The following DNMT3A variants were observed in gnomAD, a reference collection of about 807,000 sequenced individuals.
The protein encoded by DNMT3A is DNA (cytosine-5)-methyltransferase 3A.
DNMT3A carries 267 observed loss-of-function variants against 117.6 expected under a neutral mutation model. The ratio of observed to expected loss-of-function variants is 2.27; its 90% CI spans 2.05 to 2.51. The LOEUF (loss-of-function observed/expected upper bound fraction) is 2.51. Among genes scored for constraint, DNMT3A ranks in the 30% most tolerant of loss-of-function variants. The pLI, the probability that DNMT3A is intolerant of heterozygous loss-of-function variation, is 0.00. For missense variants in DNMT3A, 1,029 were observed against 1,260.2 expected (o/e 0.82, Z 2.78); for synonymous variants, 432 against 474.8 (o/e 0.91, Z 1.17).
intron 1 of DNMT3A, among the ~76,000 whole-genome samples, chr2:25,325,602 C>T (rs925208007): frequency 1.3e-4 from 20 of 152,180 alleles, no homozygotes; most frequent in African/African-American, 4.6e-4. Context: ...GGGGAGAGTG[C>T]TCCCACCAGG....
intron 4 of DNMT3A, among the ~76,000 whole-genome samples, chr2:25,276,720 C>G (rs994816410): frequency 6.6e-6 from 1 of 152,254 alleles, no homozygotes; most frequent in Non-Finnish European, 1.5e-5. Context: ...TCCACCTGGG[C>G]CCCTGAGCTT....
intron 3 of DNMT3A, among the ~76,000 whole-genome samples, chr2:25,292,312 T>G (rs2032816615): frequency 6.6e-6 from 1 of 152,034 alleles, no homozygotes. Context: ...ATCGCACCAC[T>G]GCACTCCGGC....
At chr2:25,342,257 C>T (rs1245115350), upstream of DNMT3A, among the ~76,000 whole-genome samples, 4 of 149,030 alleles carry the variant, frequency 2.7e-5, no homozygotes, top group Admixed American at 2.7e-4. This position sits in a 1 kb window ranked among gnomAD's most constrained non-coding sequence, Gnocchi z 5.9. Flanking sequence ...TCTGCGGCCC[C>T]GCCGGGGTCC....
Position 25,237,765 on chromosome 2 carries a change from C to CA in DNMT3A, c.2409-761dup, listed in dbSNP as rs142057723. On this transcript the variant is annotated intron_variant, in intron 20 of 22. Coordinates refer to ENST00000321117, the MANE Select transcript of DNMT3A (RefSeq NM_022552.5). The surrounding 1 kb of genome is among the most constrained non-coding windows in gnomAD (Gnocchi z 5.4). ...GGGCGACAGAGCAAGACTCTGTCTC[C>CA]AAAAAAAAAAAAAACCAGACTTAAA... 0.013 allele frequency among the ~76,000 whole-genome samples: 1,399 copies of CA among 109,808 alleles called. 7 individuals are homozygous for CA. The highest frequency in any genetic ancestry group is 0.027 in the African/African-American group (793 of 29,686). 72.0% of individuals were successfully genotyped at this position (109,808 alleles called of 152,430 possible). A position where few individuals can be genotyped will look rare whatever the true frequency, so the allele number is the denominator to read the frequency against.
chr2:25,247,912 G>GC lies in DNMT3A; in HGVS notation c.855+124dup. 1 of 1,516,334 alleles carries GC rather than the reference G, an allele frequency of 6.6e-7. No homozygotes were observed. Among genetic ancestry groups the GC allele is most frequent in the Non-Finnish European group, 8.9e-7 (1 of 1,125,346 alleles). 93.9% of individuals were successfully genotyped at this position (1,516,334 alleles called of 1,614,324 possible). ...AGAGCAAAATCGGGGAGACGAAGAG[G>GC]CCCGGGGTCAGGTGGAGAGAGCGAG... On this transcript the variant is annotated intron_variant, in intron 7 of 22. Coordinates refer to ENST00000321117, the MANE Select transcript of DNMT3A (RefSeq NM_022552.5). This position sits in a 1 kb window ranked among gnomAD's most constrained non-coding sequence, Gnocchi z 5.6.
Position 25,282,620 on chromosome 2 carries a change from T to C in DNMT3A, c.269A>G (p.Asn90Ser), listed in dbSNP as rs769476651. The C allele has an allele frequency of 2.1e-5, 34 of 1,613,472 alleles. 1 individual carries two copies. The highest frequency in any genetic ancestry group is 1.8e-4 in the Admixed American group (11 of 59,936). ...CTCACTCCGCTTCTCCAAGTCCCCATTGGGTAATAGCTCTGAGGCGCCTGA... is the reference window on the plus strand; with the variant it reads ...CTCACTCCGCTTCTCCAAGTCCCCACTGGGTAATAGCTCTGAGGCGCCTGA... ...QDSGASELLP[N>S]GDLEKRSEPQ... Residue 90 changes from asparagine (N) to serine (S), a missense_variant, in exon 4 of 23, where the codon AAT (asparagine) becomes AGT (serine). Physicochemically the swap from Asn to Ser is conservative, Grantham distance 46 (BLOSUM62 1). Transcript: ENST00000321117. This position sits in a 1 kb window ranked among gnomAD's most constrained non-coding sequence, Gnocchi z 5.2.
At chr2:25,261,925 A>G (rs1314822977) in intron 6 of DNMT3A, among the ~76,000 whole-genome samples, 2 of 151,692 alleles carry the variant, frequency 1.3e-5, no homozygotes, top group Admixed American at 6.6e-5. Context: ...AGTGGCTCAC[A>G]CCTGTAATCC....
chr2:25,334,787 G>C (rs536766764), intron 1 of DNMT3A, among the ~76,000 whole-genome samples: 1 of 152,180 alleles, frequency 6.6e-6, no homozygotes, highest in African/African-American at 2.4e-5. Flanking sequence ...GAAAAGACAC[G>C]TACCTGAGTA....
Position 25,245,257 on chromosome 2 carries a change from C to A in DNMT3A, c.1550G>T (p.Cys517Phe). Reference sequence around the variant, plus strand: ...CCTGGGTGGGTGTGCTCCTACCTTGCAGTTTTGGCACATTCCTCCAACGAA... The same window carrying A: ...CCTGGGTGGGTGTGCTCCTACCTTGAAGTTTTGGCACATTCCTCCAACGAA... ...PLFVGGMCQN[C>F]KNCFLECAYQ... Residue 517 changes from cysteine to phenylalanine, a missense_variant, in exon 13 of 23, where the codon TGC becomes TTC. By Grantham distance (205) the Cys-to-Phe change is radical (BLOSUM62 -2). Coordinates refer to ENST00000321117, the MANE Select transcript of DNMT3A (RefSeq NM_022552.5). 1 of 1,613,838 alleles carries A rather than the reference C, an allele frequency of 6.2e-7. No individual in the cohort carries two copies. Among genetic ancestry groups the A allele is most frequent in the African/African-American group, 1.3e-5 (1 of 75,054 alleles).
chr2:25,280,937 G>C (rs1364501215), intron 4 of DNMT3A, among the ~76,000 whole-genome samples: 1 of 152,116 alleles, frequency 6.6e-6, no homozygotes, highest in Admixed American at 6.5e-5. Flanking sequence ...GTAGCAGCTC[G>C]GCAGGAGTCA....
At position 25,237,493 on chromosome 2, in the gene DNMT3A, C is replaced by T. The variant is rs984925092; in HGVS notation, c.2409-488G>A. ...TTAAAAGACTAAATTCTGGGCCAGG[C>T]GCAGTGGCTCATGCCTGCAATCCCA... On this transcript the variant is annotated intron_variant, in intron 20 of 22. Transcript: ENST00000321117. This position sits in a 1 kb window ranked among gnomAD's most constrained non-coding sequence, Gnocchi z 5.4. 3.9e-5 allele frequency among the ~76,000 whole-genome samples: 6 copies of T among 152,172 alleles called. No individual in the cohort carries two copies. Among genetic ancestry groups the T allele is most frequent in the African/African-American group, 1.2e-4 (5 of 41,448 alleles).
At chr2:25,258,816 C>T (rs1182996089) in intron 6 of DNMT3A, among the ~76,000 whole-genome samples, 1 of 152,168 alleles carries the variant, frequency 6.6e-6, no homozygotes, top group Non-Finnish European at 1.5e-5. Flanking sequence ...GCATGAGCTT[C>T]CTGGCAGATG....
chr2:25,247,864 G>A lies in DNMT3A; in HGVS notation c.856-115C>T. 1 of 1,533,788 alleles carries A rather than the reference G, an allele frequency of 6.5e-7. No individual in the cohort carries two copies. Among genetic ancestry groups the A allele is most frequent in the Non-Finnish European group, 8.8e-7 (1 of 1,141,596 alleles). ...TGGGGGGCAGGACAGCCAGGAGGGA[G>A]CTCCATCTGAATGAGGCAAGACAGA... On this transcript the variant is annotated intron_variant, in intron 7 of 22. Coordinates refer to ENST00000321117, the MANE Select transcript of DNMT3A (RefSeq NM_022552.5). This position sits in a 1 kb window ranked among gnomAD's most constrained non-coding sequence, Gnocchi z 5.6.
intron 4 of DNMT3A, among the ~76,000 whole-genome samples, chr2:25,278,625 C>A (rs36006481): frequency 1.3e-5 from 2 of 152,060 alleles, no homozygotes; most frequent in African/African-American, 4.8e-5. Context: ...CAGGAGTCCA[C>A]GACCAGCCTG....
At position 25,232,722 on chromosome 2, in the gene DNMT3A, T is replaced by A. The variant is rs1346090748; in HGVS notation, c.*1557A>T. On this transcript the variant is annotated 3_prime_UTR_variant, in exon 23 of 23. Coordinates refer to ENST00000321117, the MANE Select transcript of DNMT3A (RefSeq NM_022552.5). This position sits in a 1 kb window ranked among gnomAD's most constrained non-coding sequence, Gnocchi z 4.1. Reference sequence around the variant, plus strand: ...AGCACCCTGCTCCCGCACCTTGGTTTGAAACCTAAAGGGAAGGGTGTTGGG... The same window carrying A: ...AGCACCCTGCTCCCGCACCTTGGTTAGAAACCTAAAGGGAAGGGTGTTGGG... 5.7e-6 allele frequency: 1 copy of A among 174,436 alleles called. No individual in the cohort carries two copies. The highest frequency in any genetic ancestry group is 1.2e-5 in the Non-Finnish European group (1 of 80,880). 10.8% of individuals were successfully genotyped at this position (174,436 alleles called of 1,614,324 possible).
At chr2:25,265,160 A>G (rs2030188453) in intron 6 of DNMT3A, among the ~76,000 whole-genome samples, 1 of 152,222 alleles carries the variant, frequency 6.6e-6, no homozygotes, top group Non-Finnish European at 1.5e-5. Context: ...AGGGTTCAGG[A>G]CCACATGAGT....
chr2:25,272,819 T>TTTTTTTTTTTTTTTA (rs2031037937), intron 6 of DNMT3A, among the ~76,000 whole-genome samples: 2 of 150,396 alleles, frequency 1.3e-5, no homozygotes, highest in African/African-American at 4.9e-5. Context: ...TTTTTTTTTT[T>TTTTTTTTTTTTTTTA]GAGACGGAAT....
rs1013949923 is a variant in DNMT3A, at chr2:25,313,950, G to A, written c.35C>T (p.Thr12Ile). ...PAMPSSGPGD[T>I]SSSAAEREED... is the part of the protein sequence containing the mutation. ...CTCCCGCTCCGCAGCAGAGCTGCTG[G>A]TGTCCCCGGGGCCGCTGGAGGGCAT... The change falls in exon 2 of 23, where the codon ACC becomes ATC. Residue 12 changes from threonine to isoleucine, a missense_variant. Thr to Ile is a moderately conservative substitution (Grantham distance 89). Coordinates refer to ENST00000321117, the MANE Select transcript of DNMT3A (RefSeq NM_022552.5). 2 of 1,550,274 alleles carry A rather than the reference G, an allele frequency of 1.3e-6. No homozygotes were observed. The highest frequency in any genetic ancestry group is 1.4e-5 in the African/African-American group (1 of 73,300).
chr2:25,247,409 T>C lies in DNMT3A; in HGVS notation c.1014+182A>G. On this transcript the variant is annotated intron_variant, in intron 8 of 22. Coordinates refer to ENST00000321117, the MANE Select transcript of DNMT3A (RefSeq NM_022552.5). The surrounding 1 kb of genome is among the most constrained non-coding windows in gnomAD (Gnocchi z 5.6). Reference sequence around the variant, plus strand: ...GCTAAAACTGGGCCAGCATCCTAGCTCTCTGAGCCACAGGTGCAACCTAAT... The same window carrying C: ...GCTAAAACTGGGCCAGCATCCTAGCCCTCTGAGCCACAGGTGCAACCTAAT... 2 of 1,016,296 alleles carry C rather than the reference T, an allele frequency of 2.0e-6. No individual in the cohort carries two copies. Among genetic ancestry groups the C allele is most frequent in the Non-Finnish European group, 2.8e-6 (2 of 709,366 alleles). The allele number at this position is 1,016,296 out of a possible 1,614,324, so 63.0% of individuals were successfully genotyped here. A position where few individuals can be genotyped will look rare whatever the true frequency, so the allele number is the denominator to read the frequency against.
Sources: allele counts gnomAD v4.1 joint callset (sites outside exome capture counted in the v4.1 genomes callset), GRCh38; gene constraint gnomAD v4.1.1; non-coding constraint Gnocchi (gnomAD v3.1); transcripts MANE v1.5; gene names NCBI Gene and HGNC (gene_info 2026-07-23, HGNC 2026-07-21).